TRAPPC10: variants seen among roughly 807,000 people sequenced by gnomAD.
TRAPPC10 encodes the protein trafficking protein particle complex subunit 10.
In TRAPPC10, 23 loss-of-function variants were observed where a neutral mutation model predicts 125.5. The observed-to-expected ratio is 0.18, with a 90% CI of 0.13 to 0.26. The LOEUF is 0.26. Ranked by LOEUF, TRAPPC10 falls within the 10% of genes least tolerant of loss-of-function variation. The pLI is 1.00. For missense variants in TRAPPC10, 1,123 were observed against 1,308.4 expected, an observed-to-expected ratio of 0.86 and a Z score of 2.19; for synonymous variants, 509 against 518.0, an observed-to-expected ratio of 0.98 and a Z score of 0.24.
chr21:44,018,525 C>T (rs1489906605), intron 1 of TRAPPC10, among the ~76,000 whole-genome samples: 1 of 152,020 alleles, frequency 6.6e-6, no homozygotes, highest in African/African-American at 2.4e-5. Flanking sequence ...ATGGTGAAAC[C>T]CCGTCTCTAC....
chr21:44,071,968 G>A (rs1166898309), intron 7 of TRAPPC10, among the ~76,000 whole-genome samples: 1 of 152,188 alleles, frequency 6.6e-6, no homozygotes, highest in Non-Finnish European at 1.5e-5. Context: ...ACCTCCTTCA[G>A]GATGGAAGTT....
intron 14 of TRAPPC10, 50 bp from the exon 15 acceptor site, chr21:44,084,072 A>T (rs2037950507): frequency 1.9e-6 from 3 of 1,609,404 alleles, no homozygotes; most frequent in Non-Finnish European, 2.5e-6. Context: ...CAGGAAGCTA[A>T]CTGCAAAACT....
intron 10 of TRAPPC10, among the ~76,000 whole-genome samples, 177 bp from the exon 11 acceptor site, chr21:44,077,516 C>T (rs1023569501): frequency 6.6e-6 from 1 of 152,176 alleles, no homozygotes; most frequent in Non-Finnish European, 1.5e-5. Flanking sequence ...ACCTATGAGG[C>T]GGAGGTTGCA....
chr21:44,075,974 G>A (rs1264749770), intron 9 of TRAPPC10, among the ~76,000 whole-genome samples: 1 of 152,080 alleles, frequency 6.6e-6, no homozygotes, highest in Non-Finnish European at 1.5e-5. Flanking sequence ...GCTTGAACCT[G>A]GGAGGTGGAG....
chr21:44,022,682 A>T (rs1206310567), intron 1 of TRAPPC10, among the ~76,000 whole-genome samples: 1 of 151,986 alleles, frequency 6.6e-6, no homozygotes, highest in Non-Finnish European at 1.5e-5. Flanking sequence ...TCCATTTTTA[A>T]AACTGTTTGA....
In TRAPPC10 at chr21:44,087,948, G is replaced by C; in HGVS notation, c.2769+20G>C. On this transcript the variant is annotated intron_variant, in intron 17 of 22. Coordinates refer to ENST00000291574, the MANE Select transcript of TRAPPC10 (RefSeq NM_003274.5). This position sits in a 1 kb window ranked among gnomAD's most constrained non-coding sequence, Gnocchi z 4.6. ...CACAAAGTGAGTAGGGACAGTGGAG[G>C]AGCTTAGCTTGTGGGGCGTCCGCCG... 2 of 1,591,636 alleles carry C rather than the reference G, an allele frequency of 1.3e-6. No individual in the cohort carries two copies. The highest frequency in any genetic ancestry group is 1.1e-5 in the South Asian group (1 of 89,852).
chr21:44,019,515 C>T (rs1186287653), intron 1 of TRAPPC10, among the ~76,000 whole-genome samples: 2 of 152,112 alleles, frequency 1.3e-5, no homozygotes, highest in Non-Finnish European at 2.9e-5. Context: ...AGTATTTTGG[C>T]CTTAGAGAAT....
intron 3 of TRAPPC10, among the ~76,000 whole-genome samples, chr21:44,040,299 C>T (rs1209111639): frequency 6.6e-6 from 1 of 152,072 alleles, no homozygotes; most frequent in African/African-American, 2.4e-5. Context: ...AAGTCTGCTT[C>T]TGTGTTTTAC....
chr21:44,069,922 C>T (rs1227979044), intron 7 of TRAPPC10, among the ~76,000 whole-genome samples: 5 of 151,372 alleles, frequency 3.3e-5, no homozygotes, highest in African/African-American at 1.2e-4. Flanking sequence ...GAGATGGAGT[C>T]TTGCTCTGTT....
In TRAPPC10 at chr21:44,079,632, G is replaced by C. The variant is rs1202910617; in HGVS notation, c.1538G>C (p.Gly513Ala). 1 of 1,610,456 alleles carries C rather than the reference G, an allele frequency of 6.2e-7. No homozygotes were observed. Among genetic ancestry groups the C allele is most frequent in the Admixed American group, 1.7e-5 (1 of 58,706 alleles). The change falls in exon 12 of 23, where the codon GGC becomes GCC. Residue 513 changes from glycine to alanine, a missense_variant. By Grantham distance (60) the Gly-to-Ala change is moderately conservative (BLOSUM62 0). Around this residue, in one of 4 missense-constraint regions of TRAPPC10, gnomAD observed 840 missense variants for 902.0 expected, o/e 0.93. Coordinates refer to ENST00000291574, the MANE Select transcript of TRAPPC10 (RefSeq NM_003274.5). ...QGALKNYLAE[G>A]WALPITHTRK... ...GCACTGAAAAACTACCTGGCTGAGG[G>C]CTGGGCACTCCCCATCACACACACA...
At chr21:44,049,291 C>T (rs1443706814) in intron 3 of TRAPPC10, among the ~76,000 whole-genome samples, 1 of 152,176 alleles carries the variant, frequency 6.6e-6, no homozygotes, top group East Asian at 1.9e-4. Context: ...ATCCTGGTTT[C>T]CTCCCTTCTA....
chr21:44,089,182 T>A (rs1376949917), intron 17 of TRAPPC10: 1 of 308,508 alleles, frequency 3.2e-6, no homozygotes, highest in Non-Finnish European at 6.4e-6. Flanking sequence ...TCCCTGGCGC[T>A]GGTGGCACCT....
intron 2 of TRAPPC10, among the ~76,000 whole-genome samples, chr21:44,036,714 G>A (rs1171038570): frequency 6.6e-6 from 1 of 152,164 alleles, no homozygotes; most frequent in Non-Finnish European, 1.5e-5. Flanking sequence ...TGAAAGCAAC[G>A]TCTGCCAGCA....
chr21:44,036,731 CAT>C (rs1471592219), intron 2 of TRAPPC10, among the ~76,000 whole-genome samples: 1 of 152,122 alleles, frequency 6.6e-6, no homozygotes, highest in African/African-American at 2.4e-5. Flanking sequence ...AGCAACATGA[CAT>C]GTTTTGCTGA....
chr21:44,086,648 C>T (rs991141773), intron 15 of TRAPPC10, among the ~76,000 whole-genome samples, 154 bp from the exon 16 acceptor site: 1 of 152,136 alleles, frequency 6.6e-6, no homozygotes, highest in African/African-American at 2.4e-5. Flanking sequence ...AAAGTTAGGG[C>T]AGAAGGGAAT....
At chr21:44,079,964 C>CT in intron 12 of TRAPPC10, 51 bp from the exon 13 acceptor site, 2 of 1,516,544 alleles carry the variant, frequency 1.3e-6, no homozygotes, top group African/African-American at 2.7e-5. Flanking sequence ...TCCACTTCCC[C>CT]CCGCACTCCT....
intron 1 of TRAPPC10, among the ~76,000 whole-genome samples, chr21:44,021,758 T>C (rs2032522256): frequency 6.6e-6 from 1 of 152,106 alleles, no homozygotes; most frequent in Non-Finnish European, 1.5e-5. Flanking sequence ...GTGGGCCCTT[T>C]ATTATTGGAT....
In TRAPPC10 at chr21:44,080,115, TCAGA is replaced by T; in HGVS notation, c.1715_1718del (p.Asp572AlafsTer6). 1 of 1,614,008 alleles carries T rather than the reference TCAGA, an allele frequency of 6.2e-7. No individual in the cohort carries two copies. The highest frequency in any genetic ancestry group is 8.5e-7 in the Non-Finnish European group (1 of 1,179,944). On this transcript the variant is annotated frameshift_variant, in exon 13 of 23. Coordinates refer to ENST00000291574, the MANE Select transcript of TRAPPC10 (RefSeq NM_003274.5). LOFTEE classifies it high-confidence loss of function. ...GATACTTGACTTTGCCAGCCAGCCG[TCAGA>T]CAGCCCAGGTAAGACCAGTTCTTAC...
At chr21:44,060,947 C>CACT (rs1555945307) in intron 6 of TRAPPC10, among the ~76,000 whole-genome samples, 1 of 143,556 alleles carries the variant, frequency 7.0e-6, no homozygotes, top group Non-Finnish European at 1.5e-5. Flanking sequence ...CACACACACA[C>CACT]TTTTTTTTTG....
Sources: gnomAD v4.1 joint callset for allele counts (sites outside exome capture counted in the v4.1 genomes callset) on GRCh38, gnomAD v4.1.1 for gene constraint, gnomAD v4.1.1 regional missense constraint, Gnocchi (gnomAD v3.1) non-coding constraint, MANE v1.5 for transcripts, NCBI Gene and HGNC (gene_info 2026-07-23, HGNC 2026-07-21) for gene names.